Variants in SUDS3 observed in about 807,000 individuals in gnomAD.
The protein encoded by SUDS3 is sin3 histone deacetylase corepressor complex component SDS3.
Under a neutral mutation model 53.5 loss-of-function variants are expected in SUDS3, and 23 were observed. The ratio of observed to expected loss-of-function variants is 0.43; its 90% confidence interval spans 0.31 to 0.61. SUDS3 has a LOEUF of 0.61. Ranked by LOEUF, SUDS3 falls within the 20% of genes least tolerant of loss-of-function variation. The pLI, the probability that SUDS3 is intolerant of heterozygous loss-of-function variation, is 0.10. For missense variants in SUDS3, 291 were observed against 405.9 expected, an observed-to-expected ratio of 0.72 and a Z score of 2.43; for synonymous variants, 150 against 148.5, an observed-to-expected ratio of 1.01 and a Z score of -0.08.
At chr12:118,413,672 C>G (rs925461545) in intron 11 of SUDS3, among the ~76,000 whole-genome samples, 1 of 152,110 alleles carries the variant, frequency 6.6e-6, no homozygotes, top group South Asian at 2.1e-4. Flanking sequence ...TCCCCTGTTG[C>G]AAGAGTTCAT....
At chr12:118,396,535 G>A (rs1303407026) in intron 6 of SUDS3, among the ~76,000 whole-genome samples, 2 of 152,210 alleles carry the variant, frequency 1.3e-5, no homozygotes, top group African/African-American at 4.8e-5. Context: ...CATTACAGGC[G>A]TCAGCCATTG....
In SUDS3 at chr12:118,380,249, A is replaced by T; in HGVS notation, c.212+18A>T. On this transcript the variant is annotated intron_variant, in intron 2 of 11. Coordinates refer to ENST00000543473, the MANE Select transcript of SUDS3 (RefSeq NM_022491.3). ...AAGGAACAGTGAGTATGATATGCCT[A>T]TGTCTTTTTGGAACATAGAATTGAC... 1.3e-6 allele frequency: 2 copies of T among 1,589,292 alleles called. No homozygotes were observed. The highest frequency in any genetic ancestry group is 1.7e-6 in the Non-Finnish European group (2 of 1,165,228).
At chr12:118,414,043 T>C (rs2046380117) in intron 11 of SUDS3, among the ~76,000 whole-genome samples, 1 of 152,222 alleles carries the variant, frequency 6.6e-6, no homozygotes, top group African/African-American at 2.4e-5. Flanking sequence ...ATCTTTAAGA[T>C]CAAGGCAGAA....
rs2046384758 is a variant in SUDS3, at chr12:118,414,616, G to A, written c.*183G>A. The A allele has an allele frequency of 2.1e-6, 1 of 484,014 alleles. No individual in the cohort carries two copies. Among genetic ancestry groups the A allele is most frequent in the African/African-American group, 2.0e-5 (1 of 49,786 alleles). The allele number at this position is 484,014 out of a possible 1,614,324, so 30.0% of individuals were successfully genotyped here. A position where few individuals can be genotyped will look rare whatever the true frequency, so the allele number is the denominator to read the frequency against. On this transcript the variant is annotated 3_prime_UTR_variant, in exon 12 of 12. Transcript: ENST00000543473. ...TGGCCGGATGCTTCCAACTTTGTCA[G>A]TCTTTTCTGCCTCAACTTCTTCCAG...
In SUDS3 at chr12:118,414,451, C is replaced by T. The variant is rs1174424411; in HGVS notation, c.*18C>T. 1 of 1,534,266 alleles carries T rather than the reference C, an allele frequency of 6.5e-7. No individual in the cohort carries two copies. The highest frequency in any genetic ancestry group is 8.7e-7 in the Non-Finnish European group (1 of 1,143,316). On this transcript the variant is annotated 3_prime_UTR_variant, in exon 12 of 12. Transcript: ENST00000543473. ...CTGCTTGACTTTCTACAGTGCTCTT[C>T]TCTTGACCCTTTTTCTGGAGTGGGT...
At chr12:118,401,290 A>T (rs1438711084) in intron 7 of SUDS3, among the ~76,000 whole-genome samples, 2 of 152,188 alleles carry the variant, frequency 1.3e-5, no homozygotes, top group Admixed American at 6.5e-5. Flanking sequence ...TTTCGAGGAG[A>T]TGGTGAATAG....
chr12:118,411,224 C>T, intron 11 of SUDS3, 67 bp downstream of exon 11: 3 of 1,439,394 alleles, frequency 2.1e-6, no homozygotes, highest in Non-Finnish European at 2.9e-6. Context: ...GTAGGGCAAA[C>T]CTGAAATGAA....
At chr12:118,401,667 CT>C (rs2046263727) in intron 7 of SUDS3, 91 bp from the exon 8 acceptor site, 2 of 1,085,064 alleles carry the variant, frequency 1.8e-6, no homozygotes, top group Non-Finnish European at 2.8e-6. Context: ...CAAAATCATA[CT>C]TTGTAAATTC....
intron 10 of SUDS3, among the ~76,000 whole-genome samples, chr12:118,410,496 G>A (rs2046348119): frequency 6.6e-6 from 1 of 152,004 alleles, no homozygotes; most frequent in Non-Finnish European, 1.5e-5. Context: ...AGGGACCAAG[G>A]AATATAAGCT....
At chr12:118,398,277 C>T (rs527919514) in intron 6 of SUDS3, among the ~76,000 whole-genome samples, 4 of 152,278 alleles carry the variant, frequency 2.6e-5, no homozygotes, top group Admixed American at 6.5e-5. Flanking sequence ...GATGAGGACA[C>T]GTGAGACATA....
At chr12:118,398,185 G>C (rs532036190) in intron 6 of SUDS3, among the ~76,000 whole-genome samples, 1 of 152,296 alleles carries the variant, frequency 6.6e-6, no homozygotes, top group African/African-American at 2.4e-5. Flanking sequence ...GCCAGGCACT[G>C]TGCTAAGATT....
intron 9 of SUDS3, 95 bp from the exon 10 acceptor site, chr12:118,403,317 C>A: frequency 1.1e-6 from 1 of 944,266 alleles, no homozygotes; most frequent in Non-Finnish European, 1.7e-6. Context: ...ATGATTATTA[C>A]CACATTCTGA....
intron 10 of SUDS3, among the ~76,000 whole-genome samples, chr12:118,409,065 C>G (rs1359695705): frequency 6.6e-6 from 1 of 152,214 alleles, no homozygotes; most frequent in East Asian, 1.9e-4. Context: ...GGTCCCCTGC[C>G]AGTTTACCAA....
intron 11 of SUDS3, among the ~76,000 whole-genome samples, 196 bp downstream of exon 11, chr12:118,411,353 C>G (rs1028520985): frequency 6.6e-6 from 1 of 152,194 alleles, no homozygotes; most frequent in East Asian, 1.9e-4. Flanking sequence ...CGCTTGACTA[C>G]AACATATGCG....
intron 6 of SUDS3, among the ~76,000 whole-genome samples, chr12:118,393,832 G>A (rs1393227087): frequency 1.3e-5 from 2 of 151,742 alleles, no homozygotes; most frequent in East Asian, 1.9e-4. Flanking sequence ...CACCACGCCC[G>A]GCTAATTTTT....
chr12:118,408,200 A>AT (rs1365743193), intron 10 of SUDS3, among the ~76,000 whole-genome samples: 1 of 148,548 alleles, frequency 6.7e-6, no homozygotes, highest in Non-Finnish European at 1.5e-5. Context: ...CGCCTGGCCA[A>AT]TTTTTTGTAT....
At chr12:118,382,441 A>G (rs957663372) in intron 2 of SUDS3, among the ~76,000 whole-genome samples, 1 of 151,822 alleles carries the variant, frequency 6.6e-6, no homozygotes, top group Non-Finnish European at 1.5e-5. Context: ...AGCTCACTGC[A>G]GTCTCAACCT....
chr12:118,410,637 C>A (rs983003817), intron 10 of SUDS3, among the ~76,000 whole-genome samples: 2 of 151,414 alleles, frequency 1.3e-5, no homozygotes, highest in Non-Finnish European at 2.9e-5. Context: ...TGCTCTGTCG[C>A]CCAGGCTGGA....
chr12:118,401,907 T>G (rs2046265996), intron 8 of SUDS3, 76 bp from the exon 9 acceptor site: 5 of 1,599,090 alleles, frequency 3.1e-6, no homozygotes, highest in Non-Finnish European at 4.3e-6. Context: ...TTGTTAATCA[T>G]TATGATACCT....
Sources: allele counts gnomAD v4.1 joint callset (sites outside exome capture counted in the v4.1 genomes callset), GRCh38; gene constraint gnomAD v4.1.1; transcripts MANE v1.5; gene names NCBI Gene and HGNC (gene_info 2026-07-23, HGNC 2026-07-21).